IRS1: variants seen among roughly 807,000 people sequenced by gnomAD.
IRS1 encodes the protein insulin receptor substrate 1.
Under a neutral mutation model 65.6 loss-of-function variants are expected in IRS1, and 34 were observed. The observed-to-expected ratio is 0.52, with a 90% CI of 0.39 to 0.69. The LOEUF is 0.69. Among genes scored for constraint, IRS1 ranks in the 30% least tolerant of loss-of-function variants. The pLI is 0.00. For synonymous variants in IRS1, 699 were observed against 683.5 expected, an observed-to-expected ratio of 1.02 and a Z score of -0.35; for missense variants, 1,641 against 1,720.2, an observed-to-expected ratio of 0.95 and a Z score of 0.81.
At chr2:226,745,265 T>C (rs1938516499) in intron 1 of IRS1, among the ~76,000 whole-genome samples, 1 of 152,220 alleles carries the variant, frequency 6.6e-6, no homozygotes, top group African/African-American at 2.4e-5. Context: ...TTGCTTACAG[T>C]AAAGTAATAA....
intron 1 of IRS1, among the ~76,000 whole-genome samples, chr2:226,776,712 G>C (rs937567382): frequency 2.0e-5 from 3 of 152,154 alleles, no homozygotes; most frequent in Admixed American, 2.0e-4. Context: ...TTCATGGCCA[G>C]TCTGGCCAAC....
At chr2:226,736,779 C>T (rs1049390379) in intron 1 of IRS1, among the ~76,000 whole-genome samples, 12 of 152,052 alleles carry the variant, frequency 7.9e-5, no homozygotes, top group Admixed American at 1.3e-4. Context: ...CAAAACGGAC[C>T]TACTGAATCA....
chr2:226,760,184 AT>A (rs1398667508), intron 1 of IRS1, among the ~76,000 whole-genome samples: 1 of 152,198 alleles, frequency 6.6e-6, no homozygotes, highest in Non-Finnish European at 1.5e-5. Context: ...CAGAAAAAAA[AT>A]AATAATAATA....
chr2:226,734,664 A>G lies in IRS1; in HGVS notation c.*1608T>C, dbSNP rs1248866656. On this transcript the variant is annotated 3_prime_UTR_variant, in exon 2 of 2. Transcript: ENST00000305123. ...TCCTGATAGAGAGATAGAGGCTCCC[A>G]CAGACTCAGAGGGAGCCTGATATTT... The G allele has an allele frequency of 2.6e-5, 4 of 152,196 alleles. No homozygotes were observed. The highest frequency in any genetic ancestry group is 9.7e-5 in the African/African-American group (4 of 41,436). The allele number at this position is 152,196 out of a possible 1,614,324, so 9.4% of individuals were successfully genotyped here. A position where few individuals can be genotyped will look rare whatever the true frequency, so the allele number is the denominator to read the frequency against.
chr2:226,748,697 A>C lies in IRS1; in HGVS notation c.*22-12447T>G, dbSNP rs143369545. ...GTAGTCAAATGCAAGACTGAGATAC[A>C]AATCATAGTTGCTGTTTCTGTGTTT... On this transcript the variant is annotated intron_variant, in intron 1 of 1. Transcript: ENST00000305123. Among the ~76,000 whole-genome samples the C allele has an allele frequency of 6.0e-4, 92 of 152,284 alleles. 1 individual carries two copies. The East Asian group carries it at 0.017, about 28-fold the overall frequency.
chr2:226,741,839 C>T (rs1021619317), intron 1 of IRS1, among the ~76,000 whole-genome samples: 1 of 151,362 alleles, frequency 6.6e-6, no homozygotes, highest in Non-Finnish European at 1.5e-5. Flanking sequence ...AACACACACA[C>T]ACATATTATC....
chr2:226,756,480 A>G (rs998180824), intron 1 of IRS1, among the ~76,000 whole-genome samples: 3 of 152,032 alleles, frequency 2.0e-5, no homozygotes, highest in Non-Finnish European at 2.9e-5. Flanking sequence ...TGAAGAAAAG[A>G]AAAAAAACAA....
At chr2:226,761,324 G>C (rs1200418664) in intron 1 of IRS1, among the ~76,000 whole-genome samples, 1 of 152,156 alleles carries the variant, frequency 6.6e-6, no homozygotes, top group Non-Finnish European at 1.5e-5. Flanking sequence ...TGCTGTAACT[G>C]AGGTTTTGAG....
rs1359138063 is a variant in IRS1 at position 226,795,963 on chromosome 2, G to C, written c.2776C>G (p.Gln926Glu). 2 of 1,613,982 alleles carry C rather than the reference G, an allele frequency of 1.2e-6. No homozygotes were observed. The highest frequency in any genetic ancestry group is 1.7e-5 in the Admixed American group (1 of 60,012). ...HSSPSVRCPS[Q>E]LQPAPREEET... Reference sequence around the variant, plus strand: ...TCCTCTCTGGGAGCTGGCTGGAGCTGGGATGGACACCTGACAGAAGGTGAG... The same window carrying C: ...TCCTCTCTGGGAGCTGGCTGGAGCTCGGATGGACACCTGACAGAAGGTGAG... The change falls in exon 1 of 2, where the codon CAG becomes GAG. Residue 926 changes from glutamine to glutamate, a missense_variant. This residue lies in a region of IRS1 where 1,324 missense variants were observed against 1,361.0 expected (regional missense o/e 0.97). Transcript: ENST00000305123.
intron 1 of IRS1, among the ~76,000 whole-genome samples, chr2:226,758,746 T>A (rs1304921805): frequency 6.7e-6 from 1 of 148,236 alleles, no homozygotes; most frequent in Non-Finnish European, 1.5e-5. Context: ...ACAGGGAGTT[T>A]AAAAAAAAAA....
intron 1 of IRS1, among the ~76,000 whole-genome samples, chr2:226,757,230 C>T (rs571673694): frequency 5.3e-5 from 8 of 152,272 alleles, no homozygotes; most frequent in East Asian, 1.9e-4. Flanking sequence ...GAGGATGGTA[C>T]GGTTTGAACT....
intron 1 of IRS1, among the ~76,000 whole-genome samples, chr2:226,790,594 T>A (rs962469927): frequency 6.6e-6 from 1 of 152,182 alleles, no homozygotes; most frequent in African/African-American, 2.4e-5. Context: ...CATTTGCACC[T>A]GCTTGGTACG....
intron 1 of IRS1, among the ~76,000 whole-genome samples, chr2:226,788,830 T>C (rs1939536167): frequency 6.6e-6 from 1 of 152,218 alleles, no homozygotes; most frequent in African/African-American, 2.4e-5. Flanking sequence ...CTGAACATGT[T>C]TCAATAACAT....
Position 226,797,353 on chromosome 2 carries a change from T to C in IRS1, c.1386A>G (p.Leu462=). The change falls in exon 1 of 2, where the codon CTA becomes CTG. Residue 462 remains leucine, a synonymous_variant. Transcript: ENST00000305123. This position sits in a 1 kb window ranked among gnomAD's most constrained non-coding sequence, Gnocchi z 8.1. ...TGCCACCCATGCAGATATAGTTGCT[T>C]AGCTCCTCCTCACCGCGGGCTGGTG... ...HTPPARGEEE[L]SNYICMGGKG... is the part of the protein sequence containing the mutation. 1 of 1,613,188 alleles carries C rather than the reference T, an allele frequency of 6.2e-7. No individual in the cohort carries two copies. The highest frequency in any genetic ancestry group is 8.5e-7 in the Non-Finnish European group (1 of 1,179,906).
intron 1 of IRS1, among the ~76,000 whole-genome samples, chr2:226,791,549 C>A (rs986765929): frequency 2.0e-5 from 3 of 152,154 alleles, no homozygotes; most frequent in Admixed American, 6.5e-5. Context: ...AGTCGGCGGG[C>A]GCGGTGCAGA....
intron 1 of IRS1, among the ~76,000 whole-genome samples, chr2:226,790,709 T>G (rs1427626145): frequency 5.3e-5 from 8 of 152,298 alleles, no homozygotes; most frequent in Admixed American, 1.3e-4. Flanking sequence ...AATGCTTATT[T>G]GAGAGGGAAG....
chr2:226,771,797 A>G (rs940921177), intron 1 of IRS1, among the ~76,000 whole-genome samples: 1 of 152,158 alleles, frequency 6.6e-6, no homozygotes, highest in Non-Finnish European at 1.5e-5. Context: ...AGCACTCCCC[A>G]GTCATACTTT....
At position 226,799,443 on chromosome 2, in the gene IRS1, G is replaced by T; in HGVS notation, c.-705C>A. 8.3e-7 allele frequency: 1 copy of T among 1,198,892 alleles called. No individual in the cohort carries two copies. 74.3% of individuals were successfully genotyped at this position (1,198,892 alleles called of 1,614,324 possible). A position where few individuals can be genotyped will look rare whatever the true frequency, so the allele number is the denominator to read the frequency against. On this transcript the variant is annotated 5_prime_UTR_variant, in exon 1 of 2. Transcript: ENST00000305123. This position sits in a 1 kb window ranked among gnomAD's most constrained non-coding sequence, Gnocchi z 6.1. Reference sequence around the variant, plus strand: ...AGCCCCCATCCGGGCCCATCTCGGCGGGTGGAGAAAGTGGCTTTTCCATGC... The same window carrying T: ...AGCCCCCATCCGGGCCCATCTCGGCTGGTGGAGAAAGTGGCTTTTCCATGC...
At chr2:226,779,567 G>A (rs541298801) in intron 1 of IRS1, among the ~76,000 whole-genome samples, 14 of 152,268 alleles carry the variant, frequency 9.2e-5, no homozygotes, top group East Asian at 1.9e-4. Context: ...TGAATCAACC[G>A]TGAAGGGCCA....
Sources: gnomAD v4.1 joint callset for allele counts (sites outside exome capture counted in the v4.1 genomes callset) on GRCh38, gnomAD v4.1.1 for gene constraint, gnomAD v4.1.1 regional missense constraint, Gnocchi (gnomAD v3.1) non-coding constraint, MANE v1.5 for transcripts, NCBI Gene and HGNC (gene_info 2026-07-23, HGNC 2026-07-21) for gene names.